Variants in JAK2 observed in about 807,000 individuals in gnomAD.
JAK2 encodes the protein Janus kinase 2, also known as tyrosine-protein kinase JAK2.
JAK2 carries 86 observed loss-of-function variants against 139.3 expected under a neutral mutation model. The ratio of observed to expected loss-of-function variants is 0.62; its 90% confidence interval spans 0.52 to 0.74. The LOEUF is 0.74. Ranked by LOEUF, JAK2 falls within the 30% of genes least tolerant of loss-of-function variation. JAK2 has a pLI of 0.00. For synonymous variants in JAK2, 490 were observed against 437.7 expected (o/e 1.12, Z -1.49); for missense variants, 1,421 against 1,360.3 (o/e 1.04, Z -0.70).
At chr9:5,066,535 T>C in intron 9 of JAK2, 143 bp from the exon 10 acceptor site, 1 of 543,414 alleles carries the variant, frequency 1.8e-6, no homozygotes, top group Non-Finnish European at 3.3e-6. Context: ...ATTTTTTCCT[T>C]TGAAAGATTA....
intron 6 of JAK2, among the ~76,000 whole-genome samples, chr9:5,053,666 A>G (rs1014328979): frequency 2.6e-5 from 4 of 152,076 alleles, no homozygotes; most frequent in African/African-American, 9.7e-5. Flanking sequence ...GGCTATGTAC[A>G]TGCTTTCAAA....
chr9:5,111,043 T>C (rs977278200), intron 22 of JAK2: 2 of 955,644 alleles, frequency 2.1e-6, no homozygotes, highest in Non-Finnish European at 3.2e-6. Context: ...CGGGGCGCAA[T>C]TCAGAGGTTC....
chr9:5,011,110 G>A (rs1821673506), intron 2 of JAK2, among the ~76,000 whole-genome samples: 1 of 152,092 alleles, frequency 6.6e-6, no homozygotes, highest in African/African-American at 2.4e-5. Context: ...TGTATAGATT[G>A]GATTCAGATG....
intron 2 of JAK2, among the ~76,000 whole-genome samples, chr9:4,995,474 A>G (rs1313690108): frequency 6.6e-6 from 1 of 152,172 alleles, no homozygotes; most frequent in African/African-American, 2.4e-5. Flanking sequence ...TTTTTCCCCT[A>G]GATGGTTGTC....
intron 22 of JAK2, among the ~76,000 whole-genome samples, chr9:5,118,625 C>G (rs966943632): frequency 6.6e-6 from 1 of 152,118 alleles, no homozygotes; most frequent in African/African-American, 2.4e-5. Flanking sequence ...CAAGATTAAG[C>G]ATAAATTCTG....
intron 4 of JAK2, among the ~76,000 whole-genome samples, chr9:5,033,210 G>C (rs1823302086): frequency 6.6e-6 from 1 of 152,116 alleles, no homozygotes; most frequent in Admixed American, 6.6e-5. Context: ...GGAATAAAAG[G>C]AAACAAACAA....
intron 5 of JAK2, among the ~76,000 whole-genome samples, chr9:5,050,447 T>G (rs533180545): frequency 6.6e-6 from 1 of 152,028 alleles, no homozygotes; most frequent in African/African-American, 2.4e-5. Flanking sequence ...ATTTTTAAAT[T>G]TTTTGTGGAG....
intron 9 of JAK2, 30 bp from the exon 10 acceptor site, chr9:5,066,648 T>A: frequency 8.5e-7 from 1 of 1,176,772 alleles, no homozygotes; most frequent in South Asian, 1.2e-5. Context: ...GCTTGATATA[T>A]TATTCAAATT....
intron 4 of JAK2, among the ~76,000 whole-genome samples, chr9:5,032,908 C>G (rs1823276002): frequency 6.6e-6 from 1 of 152,138 alleles, no homozygotes; most frequent in South Asian, 2.1e-4. Context: ...ATGACTTTGA[C>G]AAGTTGAGAG....
intron 19 of JAK2, among the ~76,000 whole-genome samples, chr9:5,083,970 A>T (rs896501914): frequency 2.4e-4 from 36 of 151,794 alleles, no homozygotes; most frequent in Middle Eastern, 3.2e-3. Flanking sequence ...CATTATTAAT[A>T]TTCTTTTGAG....
intron 14 of JAK2, among the ~76,000 whole-genome samples, chr9:5,076,485 AC>A (rs1275936864): frequency 1.3e-5 from 2 of 152,134 alleles, no homozygotes; most frequent in African/African-American, 2.4e-5. Context: ...TATCATTAGC[AC>A]CTTTTTTGGC....
intron 22 of JAK2, among the ~76,000 whole-genome samples, chr9:5,121,654 TTTTTAAAA>T (rs1823622829): frequency 6.6e-6 from 1 of 152,114 alleles, no homozygotes; most frequent in African/African-American, 2.4e-5. Context: ...AAGCAAGAGA[TTTTTAAAA>T]GATTTACATA....
At chr9:5,023,286 C>G (rs1822555458) in intron 3 of JAK2, among the ~76,000 whole-genome samples, 1 of 152,208 alleles carries the variant, frequency 6.6e-6, no homozygotes, top group African/African-American at 2.4e-5. Flanking sequence ...GCTTATTTCA[C>G]TCGACATAAT....
At chr9:5,039,210 TAAAATTGTA>T (rs1586682413) in intron 4 of JAK2, among the ~76,000 whole-genome samples, 3 of 152,136 alleles carry the variant, frequency 2.0e-5, no homozygotes, top group East Asian at 3.9e-4. Context: ...AAATAAGAAG[TAAAATTGTA>T]GTCATCCCGC....
intron 22 of JAK2, among the ~76,000 whole-genome samples, chr9:5,106,938 A>G (rs535978555): frequency 6.6e-6 from 1 of 152,318 alleles, no homozygotes; most frequent in East Asian, 1.9e-4. Flanking sequence ...GTAAATGACG[A>G]GTTAATGGGT....
chr9:5,077,330 TGA>T (rs1201015515), intron 14 of JAK2, 121 bp from the exon 15 acceptor site: 1 of 340,878 alleles, frequency 2.9e-6, no homozygotes, highest in East Asian at 5.5e-5. Context: ...TTTAAAGTTG[TGA>T]GTTTTGCCAA....
At chr9:5,101,395 G>A (rs1821473187) in intron 22 of JAK2, among the ~76,000 whole-genome samples, 1 of 152,276 alleles carries the variant, frequency 6.6e-6, no homozygotes, top group Admixed American at 6.5e-5. Flanking sequence ...CGAACTGGGT[G>A]GAGCCCACCA....
intron 10 of JAK2, among the ~76,000 whole-genome samples, chr9:5,067,323 C>T (rs978628042): frequency 2.6e-5 from 4 of 152,078 alleles, no homozygotes; most frequent in African/African-American, 9.7e-5. Context: ...AATGAAACCC[C>T]ACTGTTAATA....
intron 22 of JAK2, among the ~76,000 whole-genome samples, chr9:5,093,177 T>C (rs1335740021): frequency 6.6e-6 from 1 of 152,196 alleles, no homozygotes; most frequent in Non-Finnish European, 1.5e-5. Context: ...CAGCTAGATA[T>C]TTTACAATAA....
Sources: allele counts gnomAD v4.1 joint callset (sites outside exome capture counted in the v4.1 genomes callset), GRCh38; gene constraint gnomAD v4.1.1; transcripts MANE v1.5; gene names NCBI Gene and HGNC (gene_info 2026-07-23, HGNC 2026-07-21).